SHROOM2: variants seen among roughly 807,000 people sequenced by gnomAD.
SHROOM2 encodes shroom family member 2, also known as protein Shroom2.
Under a neutral mutation model 75.9 loss-of-function variants are expected in SHROOM2, and 33 were observed. The ratio of observed to expected loss-of-function variants is 0.43; its 90% CI spans 0.33 to 0.58. The LOEUF is 0.58. Ranked by LOEUF, SHROOM2 falls within the 20% of genes least tolerant of loss-of-function variation. The pLI is 0.04. For missense variants in SHROOM2, 1,434 were observed against 1,461.2 expected, an observed-to-expected ratio of 0.98 and a Z score of 0.30; for synonymous variants, 655 against 663.6, an observed-to-expected ratio of 0.99 and a Z score of 0.20.
chrX:9,884,326 G>A (rs2084248078), intron 2 of SHROOM2, among the ~76,000 whole-genome samples: 1 of 105,674 alleles, frequency 9.5e-6, no homozygotes, highest in Non-Finnish European at 1.9e-5. Context: ...CTTCTAAAAG[G>A]TTAGGAAAAT....
At chrX:9,881,427 G>A (rs907332875) in intron 2 of SHROOM2, among the ~76,000 whole-genome samples, 4 of 111,280 alleles carry the variant, frequency 3.6e-5, no homozygotes, top group Admixed American at 2.8e-4. Flanking sequence ...AAGGATGCCT[G>A]CCACCCTCTC....
At chrX:9,919,422 C>T (rs2084521692) in intron 5 of SHROOM2, among the ~76,000 whole-genome samples, 1 of 98,433 alleles carries the variant, frequency 1.0e-5, no homozygotes, top group Admixed American at 1.2e-4. Flanking sequence ...ACCTCTGCCT[C>T]CTGGGTTCAA....
At chrX:9,912,737 G>A (rs2084441662) in intron 5 of SHROOM2, 1 of 112,049 alleles carries the variant, frequency 8.9e-6, no homozygotes, top group Admixed American at 9.5e-5. Context: ...CAGGTTGCTT[G>A]TCAGCTCACA....
chrX:9,869,846 A>T (rs1485453444), intron 1 of SHROOM2, among the ~76,000 whole-genome samples: 1 of 112,421 alleles, frequency 8.9e-6, no homozygotes, highest in East Asian at 2.8e-4. Flanking sequence ...TTATGAAAAA[A>T]GTATCAAGGT....
rs928389706 is a variant in SHROOM2, at chrX:9,853,243, C to T, written c.166-20409C>T. ...GGCGTGTGTGAGCAGCCAGTGAGCC[C>T]CCAGCTGTGGAGGACTGAGGCTTCC... On this transcript the variant is annotated intron_variant, in intron 1 of 9. Coordinates refer to ENST00000380913, the MANE Select transcript of SHROOM2 (RefSeq NM_001649.4). Among the ~76,000 whole-genome samples the T allele has an allele frequency of 1.2e-4, 13 of 111,473 alleles. 1 individual carries two copies. The highest frequency in any genetic ancestry group is 5.7e-4 in the Admixed American group (6 of 10,467).
chrX:9,874,988 G>A (rs2084190356), intron 2 of SHROOM2, among the ~76,000 whole-genome samples: 1 of 97,392 alleles, frequency 1.0e-5, no homozygotes, highest in Non-Finnish European at 2.0e-5. Flanking sequence ...GGTTGATATG[G>A]GAGGATTCTT....
At chrX:9,862,508 C>T (rs1391499215) in intron 1 of SHROOM2, among the ~76,000 whole-genome samples, 2 of 110,920 alleles carry the variant, frequency 1.8e-5, no homozygotes, top group African/African-American at 6.6e-5. Context: ...GGTGGAAAGC[C>T]ACCGAGGAAT....
chrX:9,808,556 T>C (rs188910320), intron 1 of SHROOM2, among the ~76,000 whole-genome samples: 112 of 109,429 alleles, frequency 1.0e-3, no homozygotes, highest in African/African-American at 3.5e-3. Context: ...CTCAAAAAAT[T>C]TTTTTAAAAT....
intron 1 of SHROOM2, among the ~76,000 whole-genome samples, chrX:9,816,587 C>CTGCTGCTGCTGT (rs1233807924): frequency 1.0e-5 from 1 of 96,389 alleles, no homozygotes; most frequent in African/African-American, 5.6e-5. Flanking sequence ...CCCCCTGCTG[C>CTGCTGCTGCTGT]TGCTGCTGCT....
At chrX:9,816,929 TCATAA>T (rs756780381) in intron 1 of SHROOM2, among the ~76,000 whole-genome samples, 1 of 111,975 alleles carries the variant, frequency 8.9e-6, no homozygotes, top group South Asian at 3.7e-4. Flanking sequence ...AGTATCTTCA[TCATAA>T]CATTGTAGGG....
chrX:9,848,731 A>G (rs1302191333), intron 1 of SHROOM2, among the ~76,000 whole-genome samples: 1 of 110,110 alleles, frequency 9.1e-6, no homozygotes, highest in African/African-American at 3.3e-5. Context: ...CCTTTGGCCA[A>G]TTTTTTAGCT....
chrX:9,866,419 T>C (rs1025479384), intron 1 of SHROOM2, among the ~76,000 whole-genome samples: 5 of 97,362 alleles, frequency 5.1e-5, no homozygotes, highest in Non-Finnish European at 1.0e-4. Context: ...AATATGATAT[T>C]GGACTTAAAA....
intron 1 of SHROOM2, among the ~76,000 whole-genome samples, chrX:9,832,549 C>T (rs189225720): frequency 1.2e-4 from 13 of 111,777 alleles, no homozygotes; most frequent in Admixed American, 8.5e-4. Context: ...GTTAGGAAAC[C>T]GTTTACCCAG....
At chrX:9,935,790 A>G (rs868845949) in intron 6 of SHROOM2, among the ~76,000 whole-genome samples, 7 of 111,834 alleles carry the variant, frequency 6.3e-5, no homozygotes, top group African/African-American at 2.3e-4. Flanking sequence ...CATTTGTGTA[A>G]CATCGTAGGG....
At chrX:9,844,640 CTG>C (rs757388787) in intron 1 of SHROOM2, among the ~76,000 whole-genome samples, 34 of 110,764 alleles carry the variant, frequency 3.1e-4, no homozygotes, top group African/African-American at 1.0e-3. Flanking sequence ...TGATAAAACC[CTG>C]TCTCTACTAA....
chrX:9,878,438 T>C (rs2084212781), intron 2 of SHROOM2, among the ~76,000 whole-genome samples: 2 of 112,211 alleles, frequency 1.8e-5, no homozygotes, highest in Non-Finnish European at 3.8e-5. Context: ...CCATGTGGTG[T>C]GGTCCTGCAT....
chrX:9,867,128 A>G (rs1454064780), intron 1 of SHROOM2, among the ~76,000 whole-genome samples: 1 of 111,769 alleles, frequency 8.9e-6, no homozygotes, highest in Non-Finnish European at 1.9e-5. Flanking sequence ...TTGTTCCATA[A>G]AAGACTTTGA....
At chrX:9,885,331 T>C (rs1283409033) in intron 2 of SHROOM2, among the ~76,000 whole-genome samples, 1 of 109,154 alleles carries the variant, frequency 9.2e-6, no homozygotes, top group Non-Finnish European at 1.9e-5. Flanking sequence ...GGACCGGGAG[T>C]GTAGGCGGGC....
chrX:9,847,713 A>G (rs753497848), intron 1 of SHROOM2, among the ~76,000 whole-genome samples: 1 of 111,903 alleles, frequency 8.9e-6, no homozygotes, highest in South Asian at 3.7e-4. Context: ...TGTTATCCTT[A>G]CTAGCACTTT....
Sources: gnomAD v4.1 joint callset for allele counts (sites outside exome capture counted in the v4.1 genomes callset) on GRCh38, gnomAD v4.1.1 for gene constraint, MANE v1.5 for transcripts, NCBI Gene and HGNC (gene_info 2026-07-23, HGNC 2026-07-21) for gene names.